Variants in TSPAN1 observed in about 807,000 individuals in gnomAD.
The protein encoded by TSPAN1 is tetraspanin-1.
In TSPAN1, 23 loss-of-function variants were observed where a neutral mutation model predicts 26.9. That is an observed-to-expected ratio of 0.85 (90% CI 0.62 to 1.21). The LOEUF is 1.21. Among genes scored for constraint, TSPAN1 ranks in the 50% most tolerant of loss-of-function variants. The pLI, the probability that TSPAN1 is intolerant of heterozygous loss-of-function variation, is 0.00. For missense variants in TSPAN1, 283 were observed against 298.4 expected (o/e 0.95, Z 0.38); for synonymous variants, 115 against 114.8 (o/e 1.00, Z -0.01).
At position 46,185,073 on chromosome 1, in the gene TSPAN1, T is replaced by G. The variant is rs770696371; in HGVS notation, c.552T>G (p.Asn184Lys). 1 of 1,614,140 alleles carries G rather than the reference T, an allele frequency of 6.2e-7. No homozygotes were observed. The highest frequency in any genetic ancestry group is 1.3e-5 in the African/African-American group (1 of 75,012). Residue 184 changes from asparagine (N) to lysine (K), a missense_variant, in exon 7 of 9, where the codon AAT (asparagine) becomes AAG (lysine). Coordinates refer to ENST00000372003, the MANE Select transcript of TSPAN1 (RefSeq NM_005727.4). Reference protein sequence around the residue: ...CCNDNVTNTANETCTKQKAHD... With the variant: ...CCNDNVTNTAKETCTKQKAHD... ...ATGACAACGTCACCAACACAGCCAA[T>G]GAAACCTGCACCAAGCAAAAGGCTC...
the TSPAN1 span, chr1:46,196,139 A>T: frequency 6.2e-7 from 1 of 1,611,462 alleles, no homozygotes; most frequent in African/African-American, 1.3e-5. This position sits in a 1 kb window ranked among gnomAD's most constrained non-coding sequence, Gnocchi z 4.4. Flanking sequence ...TCTCTGTCTT[A>T]GGGGTACTTA....
the TSPAN1 span, chr1:46,195,069 T>C: frequency 1.1e-6 from 1 of 947,366 alleles, no homozygotes; most frequent in Non-Finnish European, 1.7e-6. Context: ...GCTCATTACA[T>C]TATTGCAATA....
chr1:46,175,536 A>G (rs1657112005), intron 1 of TSPAN1, 127 bp downstream of exon 1: 2 of 398,878 alleles, frequency 5.0e-6, no homozygotes, highest in Non-Finnish European at 8.8e-6. Context: ...GGCCCCTAGG[A>G]GATGCAGGTC....
At chr1:46,180,390 G>A (rs1286854787) in intron 1 of TSPAN1, 136 bp from the exon 2 acceptor site, 2 of 152,474 alleles carry the variant, frequency 1.3e-5, no homozygotes, top group Non-Finnish European at 2.9e-5. Flanking sequence ...GCCAGGTGGA[G>A]GCCTGCTGAG....
chr1:46,190,642 C>A, downstream of TSPAN1: 1 of 1,540,826 alleles, frequency 6.5e-7, no homozygotes, highest in East Asian at 2.2e-5. Context: ...CACACAGGCC[C>A]AGCATTGGAA....
At chr1:46,191,531 A>C in the TSPAN1 span, 1 of 190,590 alleles carries the variant, frequency 5.2e-6, no homozygotes, top group Non-Finnish European at 1.1e-5. Context: ...GTAAAAATAA[A>C]AACAATACCA....
At chr1:46,195,172 C>A in the TSPAN1 span, among the ~76,000 whole-genome samples, 2 of 152,174 alleles carry the variant, frequency 1.3e-5, no homozygotes, top group Non-Finnish European at 2.9e-5. Flanking sequence ...TTCCACAAAC[C>A]CACACGATCT....
the TSPAN1 span, chr1:46,195,057 T>C: frequency 9.4e-7 from 1 of 1,058,564 alleles, no homozygotes; most frequent in Non-Finnish European, 1.5e-6. Flanking sequence ...TTACTTAAAA[T>C]AGCTCATTAC....
intron 1 of TSPAN1, chr1:46,176,350 C>A (rs1657160367): frequency 6.5e-7 from 1 of 1,535,768 alleles, no homozygotes; most frequent in East Asian, 2.4e-5. Flanking sequence ...CTGTTGATAT[C>A]TTCTGCGGCT....
chr1:46,179,898 G>C (rs1239639926), intron 1 of TSPAN1, among the ~76,000 whole-genome samples: 1 of 152,184 alleles, frequency 6.6e-6, no homozygotes, highest in East Asian at 1.9e-4. Context: ...GCAGGAGAGA[G>C]CGGAAGCTGC....
chr1:46,183,864 T>C (rs576083983), intron 3 of TSPAN1: 10 of 421,966 alleles, frequency 2.4e-5, no homozygotes, highest in African/African-American at 1.4e-4. Context: ...GGCTGGGCCC[T>C]CACCTGCCTG....
At chr1:46,195,859 T>C in the TSPAN1 span, 442 of 1,612,540 alleles carry the variant, frequency 2.7e-4, 2 homozygotes, top group South Asian at 2.4e-4. Context: ...TGTTGAGGAA[T>C]AGCACCATGG....
At chr1:46,196,327 G>A in the TSPAN1 span, among the ~76,000 whole-genome samples, 1 of 152,184 alleles carries the variant, frequency 6.6e-6, no homozygotes, top group Non-Finnish European at 1.5e-5. The surrounding 1 kb of genome is among the most constrained non-coding windows in gnomAD (Gnocchi z 4.4). Flanking sequence ...AGCCTCTGCT[G>A]TCTCTGCTTC....
At chr1:46,194,484 C>T in the TSPAN1 span, 1 of 1,614,172 alleles carries the variant, frequency 6.2e-7, no homozygotes, top group African/African-American at 1.3e-5. Context: ...AGGAATAAAG[C>T]TCCACAGAGA....
At chr1:46,180,880 T>C (rs1657300120) in intron 2 of TSPAN1, among the ~76,000 whole-genome samples, 1 of 151,554 alleles carries the variant, frequency 6.6e-6, no homozygotes, top group South Asian at 2.1e-4. Flanking sequence ...GATCTCAGAG[T>C]GTCAGGTGCT....
the TSPAN1 span, chr1:46,195,887 G>T: frequency 6.2e-7 from 1 of 1,613,690 alleles, no homozygotes; most frequent in Non-Finnish European, 8.5e-7. Context: ...CTCATGAGGT[G>T]AGTACGTGTC....
chr1:46,193,000 C>T, the TSPAN1 span: 1 of 1,611,966 alleles, frequency 6.2e-7, no homozygotes, highest in Non-Finnish European at 8.5e-7. Flanking sequence ...AGGGGTCTCT[C>T]CATCCTGTGA....
chr1:46,190,967 T>C, the TSPAN1 span: 1 of 638,468 alleles, frequency 1.6e-6, no homozygotes, highest in Non-Finnish European at 2.9e-6. Context: ...CTAGCTTTAA[T>C]TTGGCCTCCA....
chr1:46,192,422 C>T, the TSPAN1 span: 106 of 1,614,138 alleles, frequency 6.6e-5, no homozygotes, highest in African/African-American at 3.3e-4. Flanking sequence ...GGTCCTCAGC[C>T]GTGTGTTCAT....
Sources: gnomAD v4.1 joint callset for allele counts (sites outside exome capture counted in the v4.1 genomes callset) on GRCh38, gnomAD v4.1.1 for gene constraint, Gnocchi (gnomAD v3.1) non-coding constraint, MANE v1.5 for transcripts, NCBI Gene and HGNC (gene_info 2026-07-23, HGNC 2026-07-21) for gene names.